ZNF354B: variants seen among roughly 807,000 people sequenced by gnomAD.
ZNF354B encodes the protein zinc finger protein 354B.
Under a neutral mutation model 12.9 loss-of-function variants are expected in ZNF354B, and 10 were observed. That is an observed-to-expected ratio of 0.77 (90% CI 0.48 to 1.31). ZNF354B has a LOEUF of 1.31. Among genes scored for constraint, ZNF354B ranks in the 40% most tolerant of loss-of-function variants. The pLI is 0.00. For synonymous variants in ZNF354B, 260 were observed against 243.7 expected (o/e 1.07, Z -0.62); for missense variants, 614 against 711.7 (o/e 0.86, Z 1.56).
chr5:178,883,099 G>A lies in ZNF354B; in HGVS notation c.647G>A (p.Cys216Tyr), dbSNP rs1757744813. Residue 216 changes from cysteine (C) to tyrosine (Y), a missense_variant, in exon 5 of 5, where the codon TGC becomes TAC. By Grantham distance (194) the Cys-to-Tyr change is radical. Coordinates refer to ENST00000322434, the MANE Select transcript of ZNF354B (RefSeq NM_058230.3). ...KIKTAEKRYK[C>Y]STCEKAFIHN... ...AAAACAGCAGAGAAACGCTATAAATGCAGTACATGTGAAAAAGCCTTCATT... is the reference window on the plus strand; with the variant it reads ...AAAACAGCAGAGAAACGCTATAAATACAGTACATGTGAAAAAGCCTTCATT... 6.2e-7 allele frequency: 1 copy of A among 1,610,364 alleles called. No homozygotes were observed. The highest frequency in any genetic ancestry group is 8.5e-7 in the Non-Finnish European group (1 of 1,179,188).
Position 178,867,007 on chromosome 5 carries a change from C to T in ZNF354B, c.192C>T (p.Ser64=). The change falls in exon 4 of 5, where the codon TCC becomes TCT. Residue 64 remains serine (S), a synonymous_variant. Transcript: ENST00000322434. ...CATTTACCAAACCAAAAGTCATCTCCCTGTTGCAGCAAGGAGAAGATCCCT... is the reference window on the plus strand; with the variant it reads ...CATTTACCAAACCAAAAGTCATCTCTCTGTTGCAGCAAGGAGAAGATCCCT... The part of the protein sequence containing the change: ...GLSFTKPKVI[S]LLQQGEDPWE... 1 of 1,613,966 alleles carries T rather than the reference C, an allele frequency of 6.2e-7. No homozygotes were observed. Among genetic ancestry groups the T allele is most frequent in the Non-Finnish European group, 8.5e-7 (1 of 1,179,954 alleles).
chr5:178,883,457 C>T lies in ZNF354B; in HGVS notation c.1005C>T (p.Ser335=), dbSNP rs772516990. The part of the protein sequence containing the change: ...PHKYNPGRKA[S]SYSTSLSGSQ... ...AATACAATCCAGGCAGGAAGGCATC[C>T]AGTTACAGCACTTCCCTTTCTGGAA... The change falls in exon 5 of 5, where the codon TCC becomes TCT. Residue 335 remains serine (S), a synonymous_variant. Transcript: ENST00000322434. 6.2e-7 allele frequency: 1 copy of T among 1,614,064 alleles called. No individual in the cohort carries two copies. Among genetic ancestry groups the T allele is most frequent in the Admixed American group, 1.7e-5 (1 of 60,024 alleles).
chr5:178,875,648 C>A (rs1468014133), intron 4 of ZNF354B, among the ~76,000 whole-genome samples: 1 of 152,214 alleles, frequency 6.6e-6, no homozygotes, highest in Non-Finnish European at 1.5e-5. Context: ...TGGGAATCTT[C>A]AGCCGAGGGG....
In ZNF354B at chr5:178,881,448, A is replaced by G. The variant is rs1757717029; in HGVS notation, c.257-1261A>G. Among the ~76,000 whole-genome samples the G allele has an allele frequency of 2.0e-5, 3 of 152,296 alleles. 1 individual carries two copies. The East Asian group carries it at 5.8e-4, about 29-fold the overall frequency. ...ACATTTGTATAATGTTATTACATCC[A>G]AGAATAGGAGAGGTGATTATTTGTT... On this transcript the variant is annotated intron_variant, in intron 4 of 4. Transcript: ENST00000322434.
chr5:178,874,459 TTA>T (rs1265703231), intron 4 of ZNF354B, among the ~76,000 whole-genome samples: 1 of 152,238 alleles, frequency 6.6e-6, no homozygotes, highest in East Asian at 1.9e-4. Flanking sequence ...TTCTTTATTT[TTA>T]TCTGTCTATC....
chr5:178,860,703 C>T, intron 1 of ZNF354B: 1 of 312,334 alleles, frequency 3.2e-6, no homozygotes, highest in Non-Finnish European at 6.2e-6. Flanking sequence ...TGGGTGCTGG[C>T]AGTGCCAGCT....
Position 178,883,666 on chromosome 5 carries a change from C to T in ZNF354B, c.1214C>T (p.Thr405Ile). 6.2e-7 allele frequency: 1 copy of T among 1,614,004 alleles called. No individual in the cohort carries two copies. The change falls in exon 5 of 5, where the codon ACC becomes ATC. Residue 405 changes from threonine to isoleucine, a missense_variant. Coordinates refer to ENST00000322434, the MANE Select transcript of ZNF354B (RefSeq NM_058230.3). ...CTTATTCAACATGAAAGAATTCACA[C>T]CGGAGAAAAGCCCTATAGATGCAAT... Reference protein sequence around the residue: ...ASLIQHERIHTGEKPYRCNEC... With the variant: ...ASLIQHERIHIGEKPYRCNEC...
chr5:178,863,234 A>G (rs1474693021), intron 2 of ZNF354B, among the ~76,000 whole-genome samples: 1 of 152,228 alleles, frequency 6.6e-6, no homozygotes. Flanking sequence ...AAACATTTAT[A>G]TATATACATA....
chr5:178,874,983 G>T (rs577485651), intron 4 of ZNF354B, among the ~76,000 whole-genome samples: 5 of 152,322 alleles, frequency 3.3e-5, no homozygotes, highest in Admixed American at 6.5e-5. Context: ...GTTTCACAGA[G>T]GGGTATATTA....
At position 178,868,916 on chromosome 5, in the gene ZNF354B, G is replaced by A. The variant is rs182786808; in HGVS notation, c.256+1845G>A. Among the ~76,000 whole-genome samples, 7 of 150,862 alleles carry A rather than the reference G, an allele frequency of 4.6e-5. No homozygotes were observed. The South Asian group carries it at 6.3e-4, about 14-fold the overall frequency. ...GAACCCGGGAGGTGGAACTTGCAGC[G>A]AGCCGAGATCGCGCCACTGCACTCC... On this transcript the variant is annotated intron_variant, in intron 4 of 4. Coordinates refer to ENST00000322434, the MANE Select transcript of ZNF354B (RefSeq NM_058230.3).
chr5:178,868,971 CAA>C (rs374983108), intron 4 of ZNF354B, among the ~76,000 whole-genome samples: 47 of 96,116 alleles, frequency 4.9e-4, no homozygotes, highest in Middle Eastern at 8.2e-3. Context: ...GACTCCAACT[CAA>C]AAAAAAAAAA....
At chr5:178,868,322 C>G (rs890162205) in intron 4 of ZNF354B, among the ~76,000 whole-genome samples, 1 of 146,344 alleles carries the variant, frequency 6.8e-6, no homozygotes, top group Non-Finnish European at 1.5e-5. Context: ...TGACAGAGCC[C>G]GAGAAGTAAT....
At chr5:178,875,512 T>C (rs1197755346) in intron 4 of ZNF354B, among the ~76,000 whole-genome samples, 1 of 152,130 alleles carries the variant, frequency 6.6e-6, no homozygotes, top group African/African-American at 2.4e-5. Context: ...ACAGCTGAAG[T>C]ACTCAGGGTT....
chr5:178,870,510 C>T (rs1189032340), intron 4 of ZNF354B, among the ~76,000 whole-genome samples: 1 of 152,218 alleles, frequency 6.6e-6, no homozygotes, highest in Non-Finnish European at 1.5e-5. Context: ...GAACTTCTGA[C>T]CTGAAATGAT....
chr5:178,878,049 A>T (rs7716977), intron 4 of ZNF354B, among the ~76,000 whole-genome samples: 1 of 152,102 alleles, frequency 6.6e-6, no homozygotes, highest in Non-Finnish European at 1.5e-5. Context: ...GGTGCTACTG[A>T]TGTCTATTGG....
Position 178,883,902 on chromosome 5 carries a change from C to T in ZNF354B, c.1450C>T (p.His484Tyr), listed in dbSNP as rs768562201. ...AFRQSSALIQ[H>Y]QRMHTGERPY... Reference sequence around the variant, plus strand: ...CAGACAGAGTTCCGCTCTCATTCAACATCAGAGAATGCATACTGGAGAAAG... The same window carrying T: ...CAGACAGAGTTCCGCTCTCATTCAATATCAGAGAATGCATACTGGAGAAAG... Residue 484 changes from histidine (H) to tyrosine (Y), a missense_variant, in exon 5 of 5, where the codon CAT becomes TAT. Coordinates refer to ENST00000322434, the MANE Select transcript of ZNF354B (RefSeq NM_058230.3). 6.2e-7 allele frequency: 1 copy of T among 1,614,088 alleles called. No individual in the cohort carries two copies. Among genetic ancestry groups the T allele is most frequent in the East Asian group, 2.2e-5 (1 of 44,862 alleles).
In ZNF354B at chr5:178,883,734, C is replaced by T; in HGVS notation, c.1282C>T (p.His428Tyr). ...TACTTCTATTTCACGACTTAATAGA[C>T]ACCGAATAATTCATACTGGAGAGAA... ...GFTSISRLNR[H>Y]RIIHTGEKLY... Residue 428 changes from histidine (H) to tyrosine (Y), a missense_variant, in exon 5 of 5, where the codon CAC becomes TAC. Coordinates refer to ENST00000322434, the MANE Select transcript of ZNF354B (RefSeq NM_058230.3). 6.2e-7 allele frequency: 1 copy of T among 1,614,162 alleles called. No homozygotes were observed.
intron 2 of ZNF354B, among the ~76,000 whole-genome samples, chr5:178,861,370 G>A (rs1757345653): frequency 1.3e-5 from 2 of 152,070 alleles, no homozygotes; most frequent in East Asian, 1.9e-4. Context: ...TACACACGTG[G>A]GAAAAATCCC....
At position 178,882,814 on chromosome 5, in the gene ZNF354B, CA is replaced by C; in HGVS notation, c.363del (p.Glu122LysfsTer10). 6.2e-7 allele frequency: 1 copy of C among 1,604,390 alleles called. No individual in the cohort carries two copies. The highest frequency in any genetic ancestry group is 8.5e-7 in the Non-Finnish European group (1 of 1,177,898). On this transcript the variant is annotated frameshift_variant, in exon 5 of 5. Coordinates refer to ENST00000322434, the MANE Select transcript of ZNF354B (RefSeq NM_058230.3). LOFTEE classifies it low-confidence loss of function (END_TRUNC). ...LKRDEPWNFI[S>X]ERSCIYEEKL... Reference sequence around the variant, plus strand: ...AGGGATGAACCCTGGAACTTCATATCAGAAAGATCCTGCATATATGAAGAGA... The same window carrying C: ...AGGGATGAACCCTGGAACTTCATATCGAAAGATCCTGCATATATGAAGAGA...
Sources: gnomAD v4.1 joint callset for allele counts (sites outside exome capture counted in the v4.1 genomes callset) on GRCh38, gnomAD v4.1.1 for gene constraint, MANE v1.5 for transcripts, NCBI Gene and HGNC (gene_info 2026-07-23, HGNC 2026-07-21) for gene names.